STK38L: variants seen among roughly 807,000 people sequenced by gnomAD.
STK38L encodes serine/threonine-protein kinase 38-like.
Under a neutral mutation model 59.7 loss-of-function variants are expected in STK38L, and 28 were observed. That is an observed-to-expected ratio of 0.47 (90% CI 0.35 to 0.64). The LOEUF (loss-of-function observed/expected upper bound fraction) is 0.64, where lower values mean the gene tolerates loss of function less well. STK38L is among the 30% of genes least tolerant of loss of function. STK38L has a pLI of 0.01. For missense variants in STK38L, 314 were observed against 555.8 expected (o/e 0.56, Z 4.37); for synonymous variants, 162 against 176.8 (o/e 0.92, Z 0.66).
intron 1 of STK38L, among the ~76,000 whole-genome samples, chr12:27,273,804 A>G (rs1485742267): frequency 6.6e-6 from 1 of 152,214 alleles, no homozygotes; most frequent in Non-Finnish European, 1.5e-5. Flanking sequence ...TAGATAATCT[A>G]CCTTTCTGTG....
rs190100808 is a variant in STK38L at position 27,303,648 on chromosome 12, C to T, written c.186+1460C>T. ...GAGTGTGTGTGTGTAAAAATATGTA[C>T]GCATGATAGAATGTGGTGAACGTTG... On this transcript the variant is annotated intron_variant, in intron 3 of 13. Coordinates refer to ENST00000389032, the MANE Select transcript of STK38L (RefSeq NM_015000.4). Among the ~76,000 whole-genome samples the T allele has an allele frequency of 3.5e-4, 53 of 152,084 alleles. No individual in the cohort carries two copies. In the East Asian group the frequency reaches 7.2e-3, roughly 21 times the overall value.
At chr12:27,259,815 TC>T (rs544810126) in intron 1 of STK38L, among the ~76,000 whole-genome samples, 15 of 152,210 alleles carry the variant, frequency 9.9e-5, no homozygotes, top group Non-Finnish European at 1.5e-4. Flanking sequence ...ACATTTTACT[TC>T]CTGATACCAT....
chr12:27,272,605 G>A (rs1943447861), intron 1 of STK38L, among the ~76,000 whole-genome samples: 1 of 152,198 alleles, frequency 6.6e-6, no homozygotes, highest in Admixed American at 6.5e-5. Flanking sequence ...GACTGAATCT[G>A]CTTTGTGAGA....
At chr12:27,293,054 T>A (rs1410499650) in intron 1 of STK38L, among the ~76,000 whole-genome samples, 1 of 152,232 alleles carries the variant, frequency 6.6e-6, no homozygotes, top group East Asian at 1.9e-4. Flanking sequence ...CAGGCTCAGA[T>A]GACCCTCCTG....
At chr12:27,279,688 A>AAT (rs34209844) in intron 1 of STK38L, among the ~76,000 whole-genome samples, 453 of 133,426 alleles carry the variant, frequency 3.4e-3, no homozygotes, top group Non-Finnish European at 4.1e-3. Flanking sequence ...AAAAAAAAAA[A>AAT]TTTTTTTTTT....
At chr12:27,318,567 A>T (rs886358697) in intron 11 of STK38L, among the ~76,000 whole-genome samples, 2 of 152,228 alleles carry the variant, frequency 1.3e-5, no homozygotes, top group African/African-American at 4.8e-5. Flanking sequence ...TCAGATACGT[A>T]TAAAGATTTA....
chr12:27,318,851 C>T lies in STK38L; in HGVS notation c.1080-477C>T, dbSNP rs150118917. On this transcript the variant is annotated intron_variant, in intron 11 of 13. Transcript: ENST00000389032. ...CTAAAAATACAAAAAATTAGCCGGG[C>T]GAGGTGGCGGGCGCCTGTAGTCCCA... 4.8e-3 allele frequency among the ~76,000 whole-genome samples: 723 copies of T among 152,140 alleles called. 9 individuals are homozygous for T. The highest frequency in any genetic ancestry group is 0.016 in the African/African-American group (665 of 41,514).
chr12:27,308,536 A>C lies in STK38L; in HGVS notation c.309+75A>C. Reference sequence around the variant, plus strand: ...TAATTTAAAATATGTGTTAAAATATAATTCCTGGCTGGGTGCGGTGGCTCA... The same window carrying C: ...TAATTTAAAATATGTGTTAAAATATCATTCCTGGCTGGGTGCGGTGGCTCA... On this transcript the variant is annotated intron_variant, in intron 4 of 13. Coordinates refer to ENST00000389032, the MANE Select transcript of STK38L (RefSeq NM_015000.4). This position sits in a 1 kb window ranked among gnomAD's most constrained non-coding sequence, Gnocchi z 4.5. 7.4e-7 allele frequency: 1 copy of C among 1,344,886 alleles called. No homozygotes were observed. The highest frequency in any genetic ancestry group is 1.7e-5 in the South Asian group (1 of 60,202). The allele number at this position is 1,344,886 out of a possible 1,614,324, so 83.3% of individuals were successfully genotyped here. A position where few individuals can be genotyped will look rare whatever the true frequency, so the allele number is the denominator to read the frequency against.
intron 1 of STK38L, among the ~76,000 whole-genome samples, chr12:27,260,993 T>C (rs1242167511): frequency 6.6e-6 from 1 of 152,218 alleles, no homozygotes; most frequent in East Asian, 1.9e-4. Context: ...TTTTCTTTTC[T>C]CTGAACATTT....
chr12:27,306,950 C>T (rs539777735), intron 3 of STK38L, among the ~76,000 whole-genome samples: 9 of 152,070 alleles, frequency 5.9e-5, no homozygotes, highest in African/African-American at 2.2e-4. Context: ...AGGATGGTCT[C>T]GATCTCCTGA....
chr12:27,259,057 G>C (rs1943148784), intron 1 of STK38L, among the ~76,000 whole-genome samples: 1 of 152,158 alleles, frequency 6.6e-6, no homozygotes, highest in East Asian at 1.9e-4. Flanking sequence ...GCCAACAAAA[G>C]AAATAAAGTT....
intron 1 of STK38L, among the ~76,000 whole-genome samples, chr12:27,288,452 C>T (rs773943914): frequency 1.3e-5 from 2 of 152,056 alleles, no homozygotes; most frequent in Non-Finnish European, 2.9e-5. Context: ...CATGGCTCAG[C>T]TGACAAGGCA....
chr12:27,276,673 A>G (rs1037765225), intron 1 of STK38L, among the ~76,000 whole-genome samples: 2 of 152,250 alleles, frequency 1.3e-5, no homozygotes, highest in Non-Finnish European at 2.9e-5. Flanking sequence ...AAACCTTTAA[A>G]ATTCCTTGGA....
chr12:27,244,527 G>A (rs1240580818), intron 1 of STK38L, among the ~76,000 whole-genome samples, 195 bp downstream of exon 1: 4 of 152,180 alleles, frequency 2.6e-5, no homozygotes, highest in Non-Finnish European at 4.4e-5. Flanking sequence ...GGTGATACTG[G>A]CCCCATGTGT....
At chr12:27,257,864 C>CTTTTTT (rs112918365) in intron 1 of STK38L, among the ~76,000 whole-genome samples, 1 of 140,640 alleles carries the variant, frequency 7.1e-6, no homozygotes. Flanking sequence ...TTATGTCAAG[C>CTTTTTT]TTTTTTTTTT....
At chr12:27,316,501 G>A (rs1239781435) in intron 9 of STK38L, among the ~76,000 whole-genome samples, 3 of 152,132 alleles carry the variant, frequency 2.0e-5, no homozygotes. Context: ...TTTCCCAAGG[G>A]AGAAGTAGAG....
intron 1 of STK38L, among the ~76,000 whole-genome samples, chr12:27,268,275 C>G (rs1269527286): frequency 1.3e-5 from 2 of 152,202 alleles, no homozygotes; most frequent in Admixed American, 6.5e-5. Context: ...CCTTTCCCCC[C>G]ACCCCACAAC....
chr12:27,251,929 G>A (rs11048949), intron 1 of STK38L, among the ~76,000 whole-genome samples: 11,715 of 152,270 alleles, frequency 0.077, 569 homozygotes, highest in Middle Eastern at 0.15. Flanking sequence ...GACATAAACA[G>A]TGAAATTAAG....
rs114014785 is a variant in STK38L, at chr12:27,275,269, C to A, written c.-11-22441C>A. On this transcript the variant is annotated intron_variant, in intron 1 of 13. Coordinates refer to ENST00000389032, the MANE Select transcript of STK38L (RefSeq NM_015000.4). The stretch of plus-strand genomic sequence containing the variant: ...GGCCTTTTGGTATTTTCAGCTCCAT[C>A]ACCCCATTATCATACTTACTTTGTG... 2.6e-3 allele frequency among the ~76,000 whole-genome samples: 391 copies of A among 152,118 alleles called. 1 individual carries two copies. Among genetic ancestry groups the A allele is most frequent in the African/African-American group, 9.0e-3 (373 of 41,490 alleles).
Sources: gnomAD v4.1 joint callset for allele counts (sites outside exome capture counted in the v4.1 genomes callset) on GRCh38, gnomAD v4.1.1 for gene constraint, Gnocchi (gnomAD v3.1) non-coding constraint, MANE v1.5 for transcripts, NCBI Gene and HGNC (gene_info 2026-07-23, HGNC 2026-07-21) for gene names.